ITFG1: variants seen among roughly 807,000 people sequenced by gnomAD.
ITFG1 encodes T-cell immunomodulatory protein.
ITFG1 carries 34 observed loss-of-function variants against 81.8 expected under a neutral mutation model. The ratio of observed to expected loss-of-function variants is 0.42; its 90% confidence interval spans 0.32 to 0.55. The LOEUF (loss-of-function observed/expected upper bound fraction) is 0.55. Among genes scored for constraint, ITFG1 ranks in the 20% least tolerant of loss-of-function variants. ITFG1 has a pLI of 0.17. For synonymous variants in ITFG1, 285 were observed against 270.6 expected, an observed-to-expected ratio of 1.05 and a Z score of -0.52; for missense variants, 672 against 755.4, an observed-to-expected ratio of 0.89 and a Z score of 1.29.
intron 14 of ITFG1, among the ~76,000 whole-genome samples, chr16:47,181,423 G>C (rs548185045): frequency 8.6e-5 from 12 of 140,064 alleles, no homozygotes; most frequent in Non-Finnish European, 1.5e-4. Flanking sequence ...CCCCCCGCCC[G>C]GCCAGCCGCC....
At position 47,154,712 on chromosome 16, in the gene ITFG1, T is replaced by C. The variant is rs1964676773; in HGVS notation, c.*1007A>G. 6.6e-6 allele frequency: 1 copy of C among 152,208 alleles called. No individual in the cohort carries two copies. The highest frequency in any genetic ancestry group is 1.5e-5 in the Non-Finnish European group (1 of 68,026). The allele number at this position is 152,208 out of a possible 1,614,324, so 9.4% of individuals were successfully genotyped here. ...TGAGAATAGAAATGTGATTGAAGATTTGCATTCCCAGATGCTGCCTACAGC... is the reference window on the plus strand; with the variant it reads ...TGAGAATAGAAATGTGATTGAAGATCTGCATTCCCAGATGCTGCCTACAGC... On this transcript the variant is annotated 3_prime_UTR_variant, in exon 18 of 18. Coordinates refer to ENST00000320640, the MANE Select transcript of ITFG1 (RefSeq NM_030790.5).
chr16:47,307,888 C>T (rs1967195842), intron 10 of ITFG1, among the ~76,000 whole-genome samples: 2 of 152,150 alleles, frequency 1.3e-5, no homozygotes, highest in South Asian at 4.1e-4. Flanking sequence ...TTAGTGAGAA[C>T]ATGCAGTGTT....
At chr16:47,407,455 G>T (rs576258969) in intron 6 of ITFG1, among the ~76,000 whole-genome samples, 1 of 152,138 alleles carries the variant, frequency 6.6e-6, no homozygotes, top group Non-Finnish European at 1.5e-5. Flanking sequence ...GGGTTCAAGT[G>T]ATTCTCGTGC....
intron 12 of ITFG1, among the ~76,000 whole-genome samples, chr16:47,242,394 T>C (rs1362386759): frequency 6.6e-6 from 1 of 151,322 alleles, no homozygotes; most frequent in Non-Finnish European, 1.5e-5. Context: ...CCAATTTTAT[T>C]CCCAAGAGAT....
At chr16:47,244,434 T>A (rs1489790006) in intron 12 of ITFG1, among the ~76,000 whole-genome samples, 2 of 152,102 alleles carry the variant, frequency 1.3e-5, no homozygotes, top group Non-Finnish European at 2.9e-5. Flanking sequence ...AATTGATTGA[T>A]TGGTTGGTGT....
chr16:47,378,327 C>T (rs1392855657), intron 6 of ITFG1, among the ~76,000 whole-genome samples: 2 of 152,196 alleles, frequency 1.3e-5, no homozygotes, highest in Non-Finnish European at 2.9e-5. Context: ...GGTCTGGTGT[C>T]TTGATAAGGC....
intron 6 of ITFG1, among the ~76,000 whole-genome samples, chr16:47,400,662 G>A (rs1260956119): frequency 6.6e-6 from 1 of 152,142 alleles, no homozygotes; most frequent in Non-Finnish European, 1.5e-5. Context: ...AGAGGTGTCA[G>A]TTGAGACCTG....
intron 7 of ITFG1, among the ~76,000 whole-genome samples, chr16:47,369,154 T>A (rs1280147930): frequency 6.6e-6 from 1 of 152,216 alleles, no homozygotes; most frequent in African/African-American, 2.4e-5. Flanking sequence ...AAGTGCAGCA[T>A]AACTACGCTC....
chr16:47,422,213 A>G (rs919106417), intron 6 of ITFG1, among the ~76,000 whole-genome samples: 1 of 152,214 alleles, frequency 6.6e-6, no homozygotes, highest in Non-Finnish European at 1.5e-5. Flanking sequence ...TTGCTGGGTC[A>G]AATGGTATTT....
At chr16:47,176,911 C>A (rs1173261211) in intron 14 of ITFG1, among the ~76,000 whole-genome samples, 1 of 151,126 alleles carries the variant, frequency 6.6e-6, no homozygotes, top group Non-Finnish European at 1.5e-5. Flanking sequence ...TGCTGCTAGT[C>A]TAATTGCATT....
intron 6 of ITFG1, among the ~76,000 whole-genome samples, chr16:47,382,676 C>A (rs1968410854): frequency 6.6e-6 from 1 of 152,114 alleles, no homozygotes; most frequent in African/African-American, 2.4e-5. Flanking sequence ...TGGTGGAAAC[C>A]ACTGGCTTTA....
intron 10 of ITFG1, among the ~76,000 whole-genome samples, chr16:47,294,378 T>C (rs1444340770): frequency 6.6e-6 from 1 of 152,164 alleles, no homozygotes; most frequent in African/African-American, 2.4e-5. Context: ...GGATGTTTTT[T>C]CTAATTCTGT....
intron 13 of ITFG1, among the ~76,000 whole-genome samples, chr16:47,228,788 T>C (rs976827443): frequency 1.3e-5 from 2 of 152,260 alleles, no homozygotes; most frequent in Admixed American, 6.5e-5. Context: ...TTCTGTTGCA[T>C]ATATTAAAAA....
intron 2 of ITFG1, among the ~76,000 whole-genome samples, chr16:47,455,890 T>C (rs1489768797): frequency 7.2e-6 from 1 of 139,418 alleles, no homozygotes; most frequent in Non-Finnish European, 1.6e-5. Flanking sequence ...ACAGATAAGA[T>C]AAAGGAATAA....
intron 8 of ITFG1, among the ~76,000 whole-genome samples, chr16:47,330,377 C>G (rs947914553): frequency 1.3e-5 from 2 of 151,810 alleles, no homozygotes; most frequent in South Asian, 4.2e-4. Flanking sequence ...TGGGACATGT[C>G]CCTAGGAAAA....
At chr16:47,162,774 T>C in intron 14 of ITFG1, 110 bp from the exon 15 acceptor site, 1 of 932,588 alleles carries the variant, frequency 1.1e-6, no homozygotes, top group Middle Eastern at 2.7e-4. Context: ...TGTATCACGT[T>C]TCAAAATGTG....
chr16:47,312,200 ATTAAAG>A (rs1231180014), intron 9 of ITFG1: 1 of 152,212 alleles, frequency 6.6e-6, no homozygotes, highest in African/African-American at 2.4e-5. Flanking sequence ...AAATCATGCC[ATTAAAG>A]TTATAGTTGT....
chr16:47,335,771 T>C (rs1225057018), intron 8 of ITFG1, among the ~76,000 whole-genome samples: 1 of 152,214 alleles, frequency 6.6e-6, no homozygotes, highest in Admixed American at 6.5e-5. Context: ...ATCTCATACA[T>C]TCCTGGTAGT....
At chr16:47,237,857 C>T (rs1348490018) in intron 13 of ITFG1, 108 bp downstream of exon 13, 8 of 611,758 alleles carry the variant, frequency 1.3e-5, no homozygotes, top group Non-Finnish European at 2.3e-5. Flanking sequence ...TCTTTAATCA[C>T]TGCCAGATAA....
Sources: gnomAD v4.1 joint callset for allele counts (sites outside exome capture counted in the v4.1 genomes callset) on GRCh38, gnomAD v4.1.1 for gene constraint, MANE v1.5 for transcripts, NCBI Gene and HGNC (gene_info 2026-07-23, HGNC 2026-07-21) for gene names.